The following GPBP1 variants were observed in gnomAD, a reference collection of about 807,000 sequenced individuals.
GPBP1 encodes the protein GC-rich promoter binding protein 1.
A neutral mutation model predicts 56.5 loss-of-function variants in GPBP1; 13 were observed. The ratio of observed to expected loss-of-function variants is 0.23; its 90% CI spans 0.15 to 0.37. GPBP1 has a LOEUF of 0.37. GPBP1 is among the 10% of genes least tolerant of loss of function. The pLI is 1.00. For synonymous variants in GPBP1, 204 were observed against 188.9 expected (o/e 1.08, Z -0.66); for missense variants, 477 against 572.3 (o/e 0.83, Z 1.70).
intron 3 of GPBP1, among the ~76,000 whole-genome samples, chr5:57,216,444 G>A (rs1182697040): frequency 4.6e-5 from 7 of 152,114 alleles, no homozygotes; most frequent in Non-Finnish European, 7.4e-5. Context: ...CACCGTGGTC[G>A]GGCGTGGTGG....
At chr5:57,248,419 A>ATTTTT (rs70999069) in intron 8 of GPBP1, among the ~76,000 whole-genome samples, 2 of 99,352 alleles carry the variant, frequency 2.0e-5, no homozygotes, top group African/African-American at 4.5e-5. Flanking sequence ...CTCATATACT[A>ATTTTT]TTTTTTTTTT....
intron 10 of GPBP1, among the ~76,000 whole-genome samples, chr5:57,255,974 C>A (rs533699655): frequency 6.6e-6 from 1 of 151,930 alleles, no homozygotes; most frequent in Non-Finnish European, 1.5e-5. Context: ...TGAAAACATC[C>A]GGCTGGGGAC....
chr5:57,258,247 T>C (rs185155569), intron 10 of GPBP1, among the ~76,000 whole-genome samples: 26 of 152,198 alleles, frequency 1.7e-4, no homozygotes, highest in African/African-American at 6.0e-4. Context: ...TACAGTAATA[T>C]AGTCAGTCAT....
chr5:57,220,251 A>C (rs528331187), intron 3 of GPBP1, among the ~76,000 whole-genome samples: 34 of 151,446 alleles, frequency 2.2e-4, no homozygotes, highest in Non-Finnish European at 4.4e-4. Context: ...TGGCCTCCCA[A>C]AGTGTGATTA....
intron 3 of GPBP1, among the ~76,000 whole-genome samples, chr5:57,219,433 AC>A (rs1755855293): frequency 9.1e-6 from 1 of 109,520 alleles, no homozygotes; most frequent in African/African-American, 3.7e-5. Flanking sequence ...AAAAAAAACA[AC>A]AAAACCACAC....
At chr5:57,184,182 A>T (rs1346540930) in intron 2 of GPBP1, among the ~76,000 whole-genome samples, 1 of 152,150 alleles carries the variant, frequency 6.6e-6, no homozygotes, top group Non-Finnish European at 1.5e-5. Context: ...CAGTGAGCCG[A>T]GATCGTGCCA....
chr5:57,206,407 A>G (rs1484296845), intron 2 of GPBP1, among the ~76,000 whole-genome samples: 1 of 151,850 alleles, frequency 6.6e-6, no homozygotes, highest in African/African-American at 2.4e-5. Flanking sequence ...TATTTTATTT[A>G]TTTATTTTTG....
chr5:57,238,013 T>C (rs536040418), intron 6 of GPBP1, among the ~76,000 whole-genome samples: 2 of 152,318 alleles, frequency 1.3e-5, no homozygotes, highest in Admixed American at 6.5e-5. Context: ...TTGGCTTTAC[T>C]GGAAACACCC....
chr5:57,223,441 T>A (rs1756039742), intron 3 of GPBP1, among the ~76,000 whole-genome samples: 1 of 152,152 alleles, frequency 6.6e-6, no homozygotes, highest in Non-Finnish European at 1.5e-5. Flanking sequence ...TTAGCTCCAA[T>A]TCTTGGTGCT....
intron 2 of GPBP1, among the ~76,000 whole-genome samples, chr5:57,193,354 C>T (rs181356908): frequency 5.4e-4 from 82 of 152,032 alleles, no homozygotes; most frequent in Non-Finnish European, 1.0e-3. Flanking sequence ...GTGGCTTACT[C>T]CTGTAATCCA....
Position 57,246,282 on chromosome 5 carries a change from C to G in GPBP1, c.479-18C>G, listed in dbSNP as rs537647037. The G allele has an allele frequency of 3.5e-5, 56 of 1,589,654 alleles. No individual in the cohort carries two copies. The Middle Eastern group carries it at 1.0e-3, about 29-fold the overall frequency. On this transcript the variant is annotated intron_variant, in intron 6 of 11. Coordinates refer to ENST00000506184, the MANE Select transcript of GPBP1 (RefSeq NM_022913.4). ...CTTGAAATTGTGAGTGACTCTTGGT[C>G]ATGCTTTATTTATGCAGAATATCCT...
chr5:57,230,524 G>A (rs1164574531), intron 3 of GPBP1, among the ~76,000 whole-genome samples: 1 of 152,144 alleles, frequency 6.6e-6, no homozygotes, highest in South Asian at 2.1e-4. Context: ...ATATCAAGTA[G>A]TGTATGATAA....
chr5:57,205,579 C>A (rs921154357), intron 2 of GPBP1, among the ~76,000 whole-genome samples: 1 of 141,042 alleles, frequency 7.1e-6, no homozygotes, highest in African/African-American at 2.8e-5. Flanking sequence ...ACATTTATTT[C>A]CTCTTTTTTT....
At chr5:57,181,917 A>T (rs1754066631) in intron 2 of GPBP1, among the ~76,000 whole-genome samples, 1 of 152,038 alleles carries the variant, frequency 6.6e-6, no homozygotes, top group Admixed American at 6.6e-5. Context: ...CAGCTGTCCC[A>T]CCCATCACAA....
intron 5 of GPBP1, among the ~76,000 whole-genome samples, chr5:57,234,201 T>G (rs1756574442): frequency 6.6e-6 from 1 of 152,316 alleles, no homozygotes; most frequent in African/African-American, 2.4e-5. Context: ...AAATTGATTT[T>G]ATTTAATATA....
At chr5:57,209,697 T>G (rs1755391784) in intron 2 of GPBP1, among the ~76,000 whole-genome samples, 1 of 152,180 alleles carries the variant, frequency 6.6e-6, no homozygotes, top group South Asian at 2.1e-4. Flanking sequence ...TTTTTATAAT[T>G]AAAGGGTGCT....
chr5:57,208,655 CTTTTTTT>C (rs70999065), intron 2 of GPBP1, among the ~76,000 whole-genome samples: 21 of 119,052 alleles, frequency 1.8e-4, no homozygotes, highest in East Asian at 4.7e-4. Flanking sequence ...TTTTGTTTTT[CTTTTTTT>C]TTTTTTTTTT....
intron 6 of GPBP1, among the ~76,000 whole-genome samples, chr5:57,238,540 A>C (rs1324158541): frequency 6.6e-6 from 1 of 152,168 alleles, no homozygotes; most frequent in Admixed American, 6.5e-5. Flanking sequence ...CCTGAGCAAC[A>C]AGAGTGAAAC....
chr5:57,256,884 A>G (rs1580086325), intron 10 of GPBP1, among the ~76,000 whole-genome samples: 1 of 152,142 alleles, frequency 6.6e-6, no homozygotes, highest in Non-Finnish European at 1.5e-5. Flanking sequence ...AATGGCTTTT[A>G]GATTTTAGGG....
Sources: allele counts gnomAD v4.1 joint callset (sites outside exome capture counted in the v4.1 genomes callset), GRCh38; gene constraint gnomAD v4.1.1; transcripts MANE v1.5; gene names NCBI Gene and HGNC (gene_info 2026-07-23, HGNC 2026-07-21).